The following MAPK8IP1 variants were observed in gnomAD, a reference collection of about 807,000 sequenced individuals.
MAPK8IP1 encodes the protein C-Jun-amino-terminal kinase-interacting protein 1.
In MAPK8IP1, 17 loss-of-function variants were observed where a neutral mutation model predicts 72.6. The ratio of observed to expected loss-of-function variants is 0.23; its 90% CI spans 0.16 to 0.35. The LOEUF is 0.35. MAPK8IP1 is among the 10% of genes least tolerant of loss of function. The probability of loss-of-function intolerance (pLI) is 1.00; values close to 1 mark genes in which losing one functional copy is unlikely to be tolerated. For synonymous variants in MAPK8IP1, 401 were observed against 443.4 expected, an observed-to-expected ratio of 0.90 and a Z score of 1.20; for missense variants, 789 against 1,009.7, an observed-to-expected ratio of 0.78 and a Z score of 2.96.
chr11:45,902,925 T>G lies in MAPK8IP1; in HGVS notation c.1158T>G (p.Asp386Glu). 1 of 1,611,098 alleles carries G rather than the reference T, an allele frequency of 6.2e-7. No individual in the cohort carries two copies. Among genetic ancestry groups the G allele is most frequent in the Non-Finnish European group, 8.5e-7 (1 of 1,179,256 alleles). ...CTGTCAAGTACACGCTGGTGGTAGA[T>G]GAGCATGCACAGCTGGAGCTGGTGA... ...YDSVKYTLVV[D>E]EHAQLELVSL... is the part of the protein sequence containing the mutation. The change falls in exon 5 of 12, where the codon GAT becomes GAG. Residue 386 changes from aspartate (D) to glutamate (E), a missense_variant. Coordinates refer to ENST00000241014, the MANE Select transcript of MAPK8IP1 (RefSeq NM_005456.4). The surrounding 1 kb of genome is among the most constrained non-coding windows in gnomAD (Gnocchi z 9.3).
intron 1 of MAPK8IP1, chr11:45,896,857 C>A: frequency 6.5e-7 from 1 of 1,549,136 alleles, no homozygotes; most frequent in Non-Finnish European, 8.7e-7. Context: ...GCCCCGCAGC[C>A]CCCCGGCCGG....
Position 45,900,109 on chromosome 11 carries a change from C to G in MAPK8IP1, c.208-29C>G. 8.4e-7 allele frequency: 1 copy of G among 1,195,872 alleles called. No homozygotes were observed. Among genetic ancestry groups the G allele is most frequent in the Non-Finnish European group, 1.0e-6 (1 of 964,726 alleles). 74.1% of individuals were successfully genotyped at this position (1,195,872 alleles called of 1,614,324 possible). A position where few individuals can be genotyped will look rare whatever the true frequency, so the allele number is the denominator to read the frequency against. On this transcript the variant is annotated intron_variant, in intron 2 of 11. Transcript: ENST00000241014. This position sits in a 1 kb window ranked among gnomAD's most constrained non-coding sequence, Gnocchi z 6.5. ...GGCCTCGGCCCCGCCCCGGCCCCGC[C>G]CCCTGACGCCCCTCCGTGCGCTGTG... is the stretch of plus-strand genomic sequence containing the variant.
In MAPK8IP1 at chr11:45,902,754, C is replaced by T. The variant is rs760448402; in HGVS notation, c.987C>T (p.Ile329=). 3 of 1,603,700 alleles carry T rather than the reference C, an allele frequency of 1.9e-6. No homozygotes were observed. The highest frequency in any genetic ancestry group is 1.7e-6 in the Non-Finnish European group (2 of 1,178,450). ...CGGCAGGGCGGCCGCACCCCTCCAT[C>T]AGTGAAGAGGAAGAGGGCTTCGACT... ...PSTAGRPHPS[I]SEEEEGFDCL... The change falls in exon 5 of 12, where the codon ATC becomes ATT. Residue 329 remains isoleucine (I), a synonymous_variant. Coordinates refer to ENST00000241014, the MANE Select transcript of MAPK8IP1 (RefSeq NM_005456.4). This position sits in a 1 kb window ranked among gnomAD's most constrained non-coding sequence, Gnocchi z 9.3.
intron 1 of MAPK8IP1, chr11:45,896,862 G>T: frequency 1.3e-6 from 2 of 1,549,666 alleles, no homozygotes; most frequent in South Asian, 2.4e-5. Flanking sequence ...GCAGCCCCCC[G>T]GCCGGGCAGG....
intron 1 of MAPK8IP1, among the ~76,000 whole-genome samples, chr11:45,891,031 G>A (rs1052113168): frequency 4.6e-5 from 7 of 152,208 alleles, no homozygotes; most frequent in Non-Finnish European, 1.0e-4. Context: ...GCCCAGGACC[G>A]CCTTGGCCTG....
At chr11:45,895,796 C>G (rs754591636) in intron 1 of MAPK8IP1, among the ~76,000 whole-genome samples, 2 of 151,938 alleles carry the variant, frequency 1.3e-5, no homozygotes, top group East Asian at 1.9e-4. Context: ...TCTGGGCAAC[C>G]AGTGTGAATT....
chr11:45,894,584 G>A (rs1319891977), intron 1 of MAPK8IP1, among the ~76,000 whole-genome samples: 1 of 152,206 alleles, frequency 6.6e-6, no homozygotes, highest in Non-Finnish European at 1.5e-5. Context: ...AGTGAACTGA[G>A]AAGCCTCTAA....
chr11:45,896,641 G>C, intron 1 of MAPK8IP1: 1 of 1,385,980 alleles, frequency 7.2e-7, no homozygotes, highest in Non-Finnish European at 9.3e-7. Context: ...TGCAGCTGAG[G>C]GCTGCGCTGG....
In MAPK8IP1 at chr11:45,903,447, G is replaced by T; in HGVS notation, c.1493+7G>T. 6.2e-7 allele frequency: 1 copy of T among 1,609,922 alleles called. No individual in the cohort carries two copies. The highest frequency in any genetic ancestry group is 1.7e-5 in the Admixed American group (1 of 59,838). ...CCCACCGGGCCATATTCAGGTGAGA[G>T]CCATGGGCTGGCTGGGCCTAGCCAG... On this transcript the variant is annotated splice_region_variant and intron_variant, in intron 6 of 11. Transcript: ENST00000241014. This position sits in a 1 kb window ranked among gnomAD's most constrained non-coding sequence, Gnocchi z 6.4.
At chr11:45,897,464 G>A (rs2086617596) in intron 1 of MAPK8IP1, among the ~76,000 whole-genome samples, 1 of 152,190 alleles carries the variant, frequency 6.6e-6, no homozygotes, top group Non-Finnish European at 1.5e-5. Flanking sequence ...TCCTTACACT[G>A]GATAAGGAGA....
chr11:45,895,510 C>T (rs2086596524), intron 1 of MAPK8IP1, among the ~76,000 whole-genome samples: 1 of 151,578 alleles, frequency 6.6e-6, no homozygotes, highest in Non-Finnish European at 1.5e-5. Flanking sequence ...ATCCCAGCTA[C>T]TCAAGAGGCT....
In MAPK8IP1 at chr11:45,900,025, C is replaced by G. The variant is rs903087033; in HGVS notation, c.208-113C>G. Reference sequence around the variant, plus strand: ...AGTCTCCGGCGGCCCCTGCTCGGCTCCCCTCGTGCCCCCTTCGCGCCACAG... The same window carrying G: ...AGTCTCCGGCGGCCCCTGCTCGGCTGCCCTCGTGCCCCCTTCGCGCCACAG... On this transcript the variant is annotated intron_variant, in intron 2 of 11. Coordinates refer to ENST00000241014, the MANE Select transcript of MAPK8IP1 (RefSeq NM_005456.4). This position sits in a 1 kb window ranked among gnomAD's most constrained non-coding sequence, Gnocchi z 6.5. The G allele has an allele frequency of 3.1e-6, 2 of 646,410 alleles. No individual in the cohort carries two copies. Among genetic ancestry groups the G allele is most frequent in the South Asian group, 1.5e-4 (2 of 13,330 alleles). 40.0% of individuals were successfully genotyped at this position (646,410 alleles called of 1,614,324 possible). A position where few individuals can be genotyped will look rare whatever the true frequency, so the allele number is the denominator to read the frequency against.
chr11:45,905,066 G>A, intron 10 of MAPK8IP1, 25 bp downstream of exon 10: 1 of 1,613,866 alleles, frequency 6.2e-7, no homozygotes, highest in East Asian at 2.2e-5. Flanking sequence ...GATGGCAGTG[G>A]AGGAGGCACG....
At position 45,901,918 on chromosome 11, in the gene MAPK8IP1, GC is replaced by G. The variant is rs142606451; in HGVS notation, c.523-60del. 3,324 of 1,303,176 alleles carry G rather than the reference GC, an allele frequency of 2.6e-3. 69 individuals carry two copies. In the African/African-American group the frequency reaches 0.043, roughly 17 times the overall value. 80.7% of individuals were successfully genotyped at this position (1,303,176 alleles called of 1,614,324 possible). On this transcript the variant is annotated intron_variant, in intron 3 of 11. Transcript: ENST00000241014. ...GATGGCCTGAGGGGGCAGGGCCGGG[GC>G]CTCCCTGTGCCGGGCACTGTTGACC...
At position 45,902,701 on chromosome 11, in the gene MAPK8IP1, G is replaced by T. The variant is rs764019007; in HGVS notation, c.934G>T (p.Asp312Tyr). The change falls in exon 5 of 12, where the codon GAT becomes TAT. Residue 312 changes from aspartate (D) to tyrosine (Y), a missense_variant. Asp to Tyr is a radical substitution (Grantham distance 160). This residue lies in a region of MAPK8IP1 where 377 missense variants were observed against 411.7 expected (regional missense o/e 0.92). Transcript: ENST00000241014. This position sits in a 1 kb window ranked among gnomAD's most constrained non-coding sequence, Gnocchi z 9.3. ...TGAGAGCCGGATGTCAGTCAGCTCCGATCCAGACCCTGCCGCCTACCCCTC... is the reference window on the plus strand; with the variant it reads ...TGAGAGCCGGATGTCAGTCAGCTCCTATCCAGACCCTGCCGCCTACCCCTC... Reference protein sequence around the residue: ...PTESRMSVSSDPDPAAYPSTA... With the variant: ...PTESRMSVSSYPDPAAYPSTA... 2 of 1,610,128 alleles carry T rather than the reference G, an allele frequency of 1.2e-6. No homozygotes were observed. The highest frequency in any genetic ancestry group is 1.7e-6 in the Non-Finnish European group (2 of 1,179,786).
rs1289294038 is a variant in MAPK8IP1, at chr11:45,905,168, C to G, written c.1982C>G (p.Thr661Ser). ...PKNNKYFGFI[T>S]KHPADHRFAC... ...CCCTGCAGGTACTTTGGGTTCATCA[C>G]CAAGCACCCCGCCGACCACCGGTTT... is the stretch of plus-strand genomic sequence containing the variant. Residue 661 changes from threonine to serine, a missense_variant, in exon 11 of 12, where the codon ACC becomes AGC. Transcript: ENST00000241014. The G allele has an allele frequency of 6.2e-7, 1 of 1,613,398 alleles. No individual in the cohort carries two copies. The highest frequency in any genetic ancestry group is 8.5e-7 in the Non-Finnish European group (1 of 1,179,976).
intron 11 of MAPK8IP1, among the ~76,000 whole-genome samples, 178 bp downstream of exon 11, chr11:45,905,427 G>C (rs2086699804): frequency 6.6e-6 from 1 of 152,206 alleles, no homozygotes; most frequent in South Asian, 2.1e-4. Flanking sequence ...TGAGCCTGAG[G>C]AGCAGCTTCC....
Position 45,904,818 on chromosome 11 carries a change from A to G in MAPK8IP1, c.1877A>G (p.Asp626Gly), listed in dbSNP as rs1325337077. ...GTGAAGATAGGCGTCAAGGCCGATG[A>G]CTCCCAGGAGGCCAAGGTGACTTCT... ...RGVKIGVKADDSQEAKGNKCS... is the reference protein window; with the variant it reads ...RGVKIGVKADGSQEAKGNKCS... Residue 626 changes from aspartate to glycine, a missense_variant, in exon 9 of 12, where the codon GAC (aspartate) becomes GGC (glycine). Asp to Gly is a moderately conservative substitution (Grantham distance 94). Around this residue, in one of 4 missense-constraint regions of MAPK8IP1, gnomAD observed 188 missense variants for 293.3 expected, o/e 0.64. Coordinates refer to ENST00000241014, the MANE Select transcript of MAPK8IP1 (RefSeq NM_005456.4). This position sits in a 1 kb window ranked among gnomAD's most constrained non-coding sequence, Gnocchi z 6.4. The G allele has an allele frequency of 6.2e-7, 1 of 1,613,714 alleles. No homozygotes were observed. Among genetic ancestry groups the G allele is most frequent in the Non-Finnish European group, 8.5e-7 (1 of 1,179,950 alleles).
intron 1 of MAPK8IP1, among the ~76,000 whole-genome samples, chr11:45,890,047 A>G (rs115678943): frequency 0.018 from 2,775 of 152,304 alleles, 85 homozygotes; most frequent in African/African-American, 0.063. Flanking sequence ...CAGGCCCCCC[A>G]GAGGCAGGGA....
Sources: allele counts gnomAD v4.1 joint callset (sites outside exome capture counted in the v4.1 genomes callset), GRCh38; gene constraint gnomAD v4.1.1; regional missense constraint gnomAD v4.1.1; non-coding constraint Gnocchi (gnomAD v3.1); transcripts MANE v1.5; gene names NCBI Gene and HGNC (gene_info 2026-07-23, HGNC 2026-07-21).